Variants in PTPRD observed in about 807,000 individuals in gnomAD.
The protein encoded by PTPRD is receptor-type tyrosine-protein phosphatase delta.
In PTPRD, 34 loss-of-function variants were observed where a neutral mutation model predicts 214.5. The ratio of observed to expected loss-of-function variants is 0.16; its 90% CI spans 0.12 to 0.21. The LOEUF (loss-of-function observed/expected upper bound fraction) is 0.21, where lower values mean the gene tolerates loss of function less well. Among genes scored for constraint, PTPRD ranks in the 10% least tolerant of loss-of-function variants. The probability of loss-of-function intolerance (pLI) is 1.00; values close to 1 mark genes in which losing one functional copy is unlikely to be tolerated. For missense variants in PTPRD, 2,545 were observed against 2,398.7 expected (o/e 1.06, Z -1.27); for synonymous variants, 1,128 against 845.7 (o/e 1.33, Z -5.79).
intron 11 of PTPRD, among the ~76,000 whole-genome samples, chr9:8,864,758 C>G (rs1054470004): frequency 2.6e-5 from 4 of 152,170 alleles, no homozygotes; most frequent in Admixed American, 2.0e-4. Context: ...GCTTTGTTTT[C>G]CATATGCAGC....
chr9:8,723,490 C>T (rs1431355313), intron 12 of PTPRD, among the ~76,000 whole-genome samples: 1 of 152,218 alleles, frequency 6.6e-6, no homozygotes, highest in African/African-American at 2.4e-5. Flanking sequence ...TTCTCCACAA[C>T]ATCCCAACTA....
At chr9:9,290,903 G>C (rs1950949605) in intron 9 of PTPRD, among the ~76,000 whole-genome samples, 1 of 151,410 alleles carries the variant, frequency 6.6e-6, no homozygotes, top group Non-Finnish European at 1.5e-5. Context: ...TTTGCTATCA[G>C]TGAGATTATA....
At chr9:10,558,652 G>C (rs899330081) in intron 2 of PTPRD, among the ~76,000 whole-genome samples, 1 of 152,036 alleles carries the variant, frequency 6.6e-6, no homozygotes, top group Non-Finnish European at 1.5e-5. Context: ...CAGACTATTT[G>C]GTAGGTTCTT....
intron 5 of PTPRD, among the ~76,000 whole-genome samples, chr9:9,884,359 T>C (rs1471367200): frequency 6.6e-6 from 1 of 152,174 alleles, no homozygotes; most frequent in Non-Finnish European, 1.5e-5. Flanking sequence ...ACAACATCTA[T>C]TCTTTCACCT....
At chr9:9,082,447 T>C (rs1236651034) in intron 10 of PTPRD, among the ~76,000 whole-genome samples, 1 of 151,914 alleles carries the variant, frequency 6.6e-6, no homozygotes, top group Non-Finnish European at 1.5e-5. Flanking sequence ...ATTGATGGAA[T>C]GTATTTTAAA....
chr9:10,339,970 T>C (rs1302737851), intron 3 of PTPRD, among the ~76,000 whole-genome samples: 2 of 151,836 alleles, frequency 1.3e-5, no homozygotes, highest in Non-Finnish European at 1.5e-5. Flanking sequence ...ATTTAGCATA[T>C]GCCATATTGA....
intron 4 of PTPRD, among the ~76,000 whole-genome samples, chr9:9,981,518 C>G (rs1267559224): frequency 6.8e-5 from 10 of 146,424 alleles, no homozygotes; most frequent in South Asian, 6.5e-4. Context: ...CCATGCCTGG[C>G]TAATTTTTTT....
chr9:8,611,193 C>G (rs1490333401), intron 14 of PTPRD, among the ~76,000 whole-genome samples: 1 of 152,056 alleles, frequency 6.6e-6, no homozygotes, highest in South Asian at 2.1e-4. Flanking sequence ...AAGAAAATAA[C>G]CAAAAAGCTG....
chr9:9,522,093 G>GT (rs1569568983), intron 8 of PTPRD, among the ~76,000 whole-genome samples: 1 of 144,668 alleles, frequency 6.9e-6, no homozygotes, highest in East Asian at 2.1e-4. Flanking sequence ...GGAGGCGGAG[G>GT]TTGTGGTGAG....
chr9:8,790,591 T>C (rs977797342), intron 11 of PTPRD, among the ~76,000 whole-genome samples: 1 of 152,138 alleles, frequency 6.6e-6, no homozygotes, highest in Non-Finnish European at 1.5e-5. Flanking sequence ...CACAGATACA[T>C]CTACAATGCT....
rs535915574 is a variant in PTPRD, at chr9:8,331,816, T to G, written c.5380-80A>C. The stretch of plus-strand genomic sequence containing the variant: ...GCAAGCATACGGACCACAAGAACAA[T>G]CATTTTCATTTCCCGAAAACAAAAA... On this transcript the variant is annotated intron_variant, in intron 43 of 45. Transcript: ENST00000381196. 12 of 1,433,610 alleles carry G rather than the reference T, an allele frequency of 8.4e-6. No homozygotes were observed. In the South Asian group the frequency reaches 1.8e-4, roughly 21 times the overall value. 88.8% of individuals were successfully genotyped at this position (1,433,610 alleles called of 1,614,324 possible).
At chr9:10,376,936 T>G (rs910864438) in intron 2 of PTPRD, among the ~76,000 whole-genome samples, 3 of 152,026 alleles carry the variant, frequency 2.0e-5, no homozygotes, top group African/African-American at 7.2e-5. Flanking sequence ...GACTTTTAAA[T>G]GTACAATTAA....
In PTPRD at chr9:8,989,095, T is replaced by C. The variant is rs902865483; in HGVS notation, c.-104+29602A>G. ...TCTCAGTTTTTTTATTATTGCTATA[T>C]GATAGTTGTATATATTTTTGGGGGG... On this transcript the variant is annotated intron_variant, in intron 11 of 45. Coordinates refer to ENST00000381196, the MANE Select transcript of PTPRD (RefSeq NM_002839.4). Among the ~76,000 whole-genome samples, 8 of 152,190 alleles carry C rather than the reference T, an allele frequency of 5.3e-5. No homozygotes were observed. In the East Asian group the frequency reaches 1.4e-3, roughly 26 times the overall value.
intron 2 of PTPRD, among the ~76,000 whole-genome samples, chr9:10,579,663 C>G (rs560128118): frequency 6.6e-6 from 1 of 152,214 alleles, no homozygotes; most frequent in East Asian, 1.9e-4. Flanking sequence ...AATAATAGTT[C>G]TAAGTTCTGT....
At chr9:9,918,992 T>G in intron 5 of PTPRD, among the ~76,000 whole-genome samples, 1 of 152,254 alleles carries the variant, frequency 6.6e-6, no homozygotes, top group East Asian at 1.9e-4. Context: ...TTATTCTAAT[T>G]TTAATTAATC....
At chr9:9,030,270 C>G (rs2099600375) in intron 10 of PTPRD, among the ~76,000 whole-genome samples, 1 of 116,414 alleles carries the variant, frequency 8.6e-6, no homozygotes, top group Non-Finnish European at 1.7e-5. Flanking sequence ...ATGGGCCACA[C>G]TTGGGCTTTT....
At chr9:9,586,500 G>C (rs1478782843) in intron 7 of PTPRD, among the ~76,000 whole-genome samples, 2 of 151,844 alleles carry the variant, frequency 1.3e-5, no homozygotes, top group African/African-American at 4.8e-5. Flanking sequence ...TCTTCTGTCA[G>C]TTGTTCAATA....
At position 8,486,188 on chromosome 9, in the gene PTPRD, C is replaced by G; in HGVS notation, c.2629G>C (p.Glu877Gln). The change falls in exon 28 of 46, where the codon GAA (glutamate) becomes CAA (glutamine). Residue 877 changes from glutamate (E) to glutamine (Q), a missense_variant. Glu to Gln is a conservative substitution (Grantham distance 29). Transcript: ENST00000381196. ...PLTTLEFSEK[E>Q]DHFTATDIHK... ...ATGTCTGTAGCTGTAAAGTGATCTT[C>G]TTTTTCAGAGAACTCAAGAGTAGTA... 6.2e-7 allele frequency: 1 copy of G among 1,614,188 alleles called. No individual in the cohort carries two copies.
intron 7 of PTPRD, among the ~76,000 whole-genome samples, chr9:9,687,383 T>A (rs1385687252): frequency 6.6e-6 from 1 of 151,402 alleles, no homozygotes; most frequent in Non-Finnish European, 1.5e-5. Flanking sequence ...ATAAGGGAGG[T>A]TTTATCCTCT....
Sources: allele counts gnomAD v4.1 joint callset (sites outside exome capture counted in the v4.1 genomes callset), GRCh38; gene constraint gnomAD v4.1.1; transcripts MANE v1.5; gene names NCBI Gene and HGNC (gene_info 2026-07-23, HGNC 2026-07-21).